PAPLN: variants seen among roughly 807,000 people sequenced by gnomAD.
PAPLN encodes papilin.
Under a neutral mutation model 159.0 loss-of-function variants are expected in PAPLN, and 146 were observed. The ratio of observed to expected loss-of-function variants is 0.92; its 90% CI spans 0.80 to 1.05. PAPLN has a LOEUF of 1.05. PAPLN is among the 50% of genes least tolerant of loss of function. PAPLN has a pLI of 0.00. For missense variants in PAPLN, 1,720 were observed against 1,743.9 expected (o/e 0.99, Z 0.24); for synonymous variants, 734 against 702.9 (o/e 1.04, Z -0.70).
Position 73,246,124 on chromosome 14 carries a change from G to A in PAPLN, c.283G>A (p.Asp95Asn), listed in dbSNP as rs1390012677. 6.9e-6 allele frequency: 11 copies of A among 1,590,956 alleles called. No individual in the cohort carries two copies. Among genetic ancestry groups the A allele is most frequent in the African/African-American group, 1.4e-5 (1 of 72,162 alleles). Residue 95 changes from aspartate to asparagine, a missense_variant, in exon 5 of 27, where the codon GAC becomes AAC. Asp to Asn is a conservative substitution (Grantham distance 23). Transcript: ENST00000644200. ...CCGGGCCGAGCAGTGCGCGGAGTTC[G>A]ACGGAGCGGAGTTCCAGGGGCGGCG... ...DFRAEQCAEFDGAEFQGRRYR... is the reference protein window; with the variant it reads ...DFRAEQCAEFNGAEFQGRRYR...
In PAPLN at chr14:73,251,822, C is replaced by G; in HGVS notation, c.829C>G (p.Pro277Ala). Residue 277 changes from proline to alanine, a missense_variant, in exon 9 of 27, where the codon CCC becomes GCC. Transcript: ENST00000644200. The stretch of plus-strand genomic sequence containing the variant: ...CCATGCCCGGGGCCCCACCTCGGAG[C>G]CCCTGGTCATCGAGGTAAATGGGGG... ...RLHARGPTSE[P>A]LVIELISQEP... 1 of 1,595,464 alleles carries G rather than the reference C, an allele frequency of 6.3e-7. No individual in the cohort carries two copies. Among genetic ancestry groups the G allele is most frequent in the Middle Eastern group, 1.7e-4 (1 of 5,952 alleles).
chr14:73,242,152 CAG>C (rs1883627386), intron 2 of PAPLN, among the ~76,000 whole-genome samples: 1 of 152,228 alleles, frequency 6.6e-6, no homozygotes, highest in South Asian at 2.1e-4. Context: ...AGTGTGTGGA[CAG>C]AGCACGGCTC....
chr14:73,271,259 G>T (rs561391204), intron 26 of PAPLN, among the ~76,000 whole-genome samples: 1 of 152,112 alleles, frequency 6.6e-6, no homozygotes, highest in African/African-American at 2.4e-5. Context: ...TGCATTAATG[G>T]CTTTGTTATC....
chr14:73,257,506 T>C (rs1055517632), intron 14 of PAPLN, among the ~76,000 whole-genome samples: 4 of 152,140 alleles, frequency 2.6e-5, no homozygotes, highest in African/African-American at 9.7e-5. Flanking sequence ...TCCAACAATA[T>C]TTTGTGACGA....
At position 73,250,081 on chromosome 14, in the gene PAPLN, C is replaced by A. The variant is rs1407969106; in HGVS notation, c.432C>A (p.Gly144=). 1.9e-6 allele frequency: 3 copies of A among 1,612,168 alleles called. No individual in the cohort carries two copies. Among genetic ancestry groups the A allele is most frequent in the East Asian group, 4.5e-5 (2 of 44,812 alleles). ...AVVDGTPCEP[G]KRDVCVDGSC... ...TTGATGGGACGCCCTGCGAGCCTGG[C>A]AAGAGGGATGTCTGTGTGGATGGCA... Residue 144 remains glycine (G), a synonymous_variant, in exon 6 of 27, where the codon GGC becomes GGA. Coordinates refer to ENST00000644200, the MANE Select transcript of PAPLN (RefSeq NM_001365906.3).
chr14:73,252,556 C>T lies in PAPLN; in HGVS notation c.968-93C>T, dbSNP rs921215194. ...TCATCTAAGACTGAATGGGGATGAC[C>T]TGTGGGGTGAGTGCAGGATGGCGCC... On this transcript the variant is annotated intron_variant, in intron 10 of 26. Coordinates refer to ENST00000644200, the MANE Select transcript of PAPLN (RefSeq NM_001365906.3). 1.0e-5 allele frequency: 15 copies of T among 1,495,234 alleles called. No individual in the cohort carries two copies. In the African/African-American group the frequency reaches 1.4e-4, roughly 14 times the overall value. 92.6% of individuals were successfully genotyped at this position (1,495,234 alleles called of 1,614,324 possible).
chr14:73,267,720 G>A (rs1887358235), intron 25 of PAPLN, among the ~76,000 whole-genome samples: 1 of 152,106 alleles, frequency 6.6e-6, no homozygotes, highest in African/African-American at 2.4e-5. Context: ...GGAGCCGCTA[G>A]AGGTGTCCCC....
At chr14:73,242,102 G>A (rs565638355) in intron 2 of PAPLN, among the ~76,000 whole-genome samples, 2 of 152,394 alleles carry the variant, frequency 1.3e-5, no homozygotes, top group Admixed American at 1.3e-4. Flanking sequence ...CATGCTGCCT[G>A]TGGCTGAAGG....
At chr14:73,268,287 T>G in intron 25 of PAPLN, 2 of 388,252 alleles carry the variant, frequency 5.2e-6, no homozygotes, top group Admixed American at 8.6e-5. Context: ...GGCCTCCTGC[T>G]ATCTCACAGG....
intron 1 of PAPLN, among the ~76,000 whole-genome samples, chr14:73,239,220 C>T (rs1361230145): frequency 6.6e-6 from 1 of 152,234 alleles, no homozygotes; most frequent in African/African-American, 2.4e-5. Flanking sequence ...GCGCACACTG[C>T]ACTGCATACA....
In PAPLN at chr14:73,261,287, C is replaced by A; in HGVS notation, c.2238C>A (p.Pro746=). 6 of 1,613,732 alleles carry A rather than the reference C, an allele frequency of 3.7e-6. No homozygotes were observed. Among genetic ancestry groups the A allele is most frequent in the Non-Finnish European group, 5.1e-6 (6 of 1,179,990 alleles). ...GPLGEGCVGQ[P]SHAYPVRCLL... is the part of the protein sequence containing the mutation. ...TTGGGGAAGGCTGTGTGGGCCAGCC[C>A]AGCCATGGTGAGTGGACACCCCCTC... Residue 746 remains proline (P), a synonymous_variant, in exon 18 of 27, where the codon CCC becomes CCA. Coordinates refer to ENST00000644200, the MANE Select transcript of PAPLN (RefSeq NM_001365906.3).
Position 73,245,082 on chromosome 14 carries a change from C to A in PAPLN, c.170+323C>A. ...AATCTTCAACCGGCAGTTCCCAATT[C>A]CTGTGGTTTCTTTACCGAGTACAGA... On this transcript the variant is annotated intron_variant, in intron 3 of 26. Transcript: ENST00000644200. This position sits in a 1 kb window ranked among gnomAD's most constrained non-coding sequence, Gnocchi z 4.2. 1 of 253,344 alleles carries A rather than the reference C, an allele frequency of 3.9e-6. No homozygotes were observed. The highest frequency in any genetic ancestry group is 7.7e-6 in the Non-Finnish European group (1 of 130,406). 15.7% of individuals were successfully genotyped at this position (253,344 alleles called of 1,614,324 possible). A position where few individuals can be genotyped will look rare whatever the true frequency, so the allele number is the denominator to read the frequency against.
At chr14:73,264,862 A>G in intron 22 of PAPLN, 136 bp downstream of exon 22, 1 of 1,398,674 alleles carries the variant, frequency 7.1e-7, no homozygotes, top group Non-Finnish European at 9.7e-7. Context: ...GGCCAGGCCT[A>G]GAAAAACAGG....
At position 73,245,486 on chromosome 14, in the gene PAPLN, G is replaced by C. The variant is rs1012009947; in HGVS notation, c.171-150G>C. ...AACATGGGTCGCTCACTCCCACCTG[G>C]GGGATTTACGGGGTGGGGTCGGGGG... is the stretch of plus-strand genomic sequence containing the variant. On this transcript the variant is annotated intron_variant, in intron 3 of 26. Coordinates refer to ENST00000644200, the MANE Select transcript of PAPLN (RefSeq NM_001365906.3). The surrounding 1 kb of genome is among the most constrained non-coding windows in gnomAD (Gnocchi z 4.2). The C allele has an allele frequency of 1.9e-5, 15 of 804,396 alleles. No individual in the cohort carries two copies. Among genetic ancestry groups the C allele is most frequent in the Admixed American group, 1.3e-4 (5 of 37,604 alleles). The allele number at this position is 804,396 out of a possible 1,614,324, so 49.8% of individuals were successfully genotyped here. A position where few individuals can be genotyped will look rare whatever the true frequency, so the allele number is the denominator to read the frequency against.
chr14:73,263,931 C>A, intron 20 of PAPLN, 149 bp downstream of exon 20: 1 of 1,152,106 alleles, frequency 8.7e-7, no homozygotes, highest in Non-Finnish European at 1.2e-6. Context: ...CCCCCCTACC[C>A]CCTCTGACAG....
chr14:73,263,614 A>G lies in PAPLN; in HGVS notation c.2724-31A>G, dbSNP rs114018792. ...TGGTTCTGGTCCTGGCGCTCATGCC[A>G]GTCAGCAGATCTCACTTCCCACCTC... On this transcript the variant is annotated intron_variant, in intron 19 of 26. Transcript: ENST00000644200. The G allele has an allele frequency of 2.1e-3, 3,388 of 1,613,244 alleles. 8 individuals carry two copies. Among genetic ancestry groups the G allele is most frequent in the African/African-American group, 0.011 (862 of 75,052 alleles).
In PAPLN at chr14:73,262,512, G is replaced by A. The variant is rs548947330; in HGVS notation, c.2408G>A (p.Ser803Asn). 6.3e-7 allele frequency: 1 copy of A among 1,582,160 alleles called. No individual in the cohort carries two copies. The highest frequency in any genetic ancestry group is 2.3e-5 in the East Asian group (1 of 42,972). The change falls in exon 19 of 27, where the codon AGC becomes AAC. Residue 803 changes from serine to asparagine, a missense_variant. By Grantham distance (46) the Ser-to-Asn change is conservative (BLOSUM62 1). Coordinates refer to ENST00000644200, the MANE Select transcript of PAPLN (RefSeq NM_001365906.3). ...GCCTCGGAGCAAGAGTGCATGAGCAGCTGCCAGGGATCTCTCCATGGGCCC... is the reference window on the plus strand; with the variant it reads ...GCCTCGGAGCAAGAGTGCATGAGCAACTGCCAGGGATCTCTCCATGGGCCC... The part of the protein sequence containing the change: ...NFASEQECMS[S>N]CQGSLHGPRR...
chr14:73,247,590 G>A (rs534419280), intron 5 of PAPLN, among the ~76,000 whole-genome samples: 10 of 141,082 alleles, frequency 7.1e-5, no homozygotes, highest in African/African-American at 2.4e-4. Context: ...TCCTCTGTGC[G>A]TGTGTGTGTG....
At chr14:73,268,247 G>C (rs1887407138) in intron 25 of PAPLN, 1 of 304,264 alleles carries the variant, frequency 3.3e-6, no homozygotes, top group East Asian at 7.0e-5. Context: ...ATCTGGGTCT[G>C]GACTCTTGAG....
Sources: gnomAD v4.1 joint callset for allele counts (sites outside exome capture counted in the v4.1 genomes callset) on GRCh38, gnomAD v4.1.1 for gene constraint, Gnocchi (gnomAD v3.1) non-coding constraint, MANE v1.5 for transcripts, NCBI Gene and HGNC (gene_info 2026-07-23, HGNC 2026-07-21) for gene names.